Variants in MYO19 observed in about 807,000 individuals in gnomAD.
The protein encoded by MYO19 is unconventional myosin-XIX.
MYO19 carries 132 observed loss-of-function variants against 129.2 expected under a neutral mutation model. The ratio of observed to expected loss-of-function variants is 1.02; its 90% CI spans 0.89 to 1.18. The LOEUF is 1.18. Among genes scored for constraint, MYO19 ranks in the 50% most tolerant of loss-of-function variants. The probability of loss-of-function intolerance (pLI) is 0.00; values close to 1 mark genes in which losing one functional copy is unlikely to be tolerated. For missense variants in MYO19, 1,210 were observed against 1,216.7 expected, an observed-to-expected ratio of 0.99 and a Z score of 0.08; for synonymous variants, 531 against 477.2, an observed-to-expected ratio of 1.11 and a Z score of -1.47.
rs1279455262 is a variant in MYO19, at chr17:36,513,426, G to A, written c.894+3C>T. 3 of 1,613,916 alleles carry A rather than the reference G, an allele frequency of 1.9e-6. No individual in the cohort carries two copies. The highest frequency in any genetic ancestry group is 2.5e-6 in the Non-Finnish European group (3 of 1,179,906). On this transcript the variant is annotated splice_donor_region_variant and intron_variant, in intron 11 of 25. Coordinates refer to ENST00000614623, the MANE Select transcript of MYO19 (RefSeq NM_001163735.2). Reference sequence around the variant, plus strand: ...ACTTAAGTGGCGTGGCTTTTCTTCTGACCTTAAAGATGTTGTTCTGGGTAG... The same window carrying A: ...ACTTAAGTGGCGTGGCTTTTCTTCTAACCTTAAAGATGTTGTTCTGGGTAG...
At chr17:36,501,029 A>G in intron 22 of MYO19, 40 bp downstream of exon 22, 1 of 1,603,134 alleles carries the variant, frequency 6.2e-7, no homozygotes, top group Non-Finnish European at 8.5e-7. Context: ...GAGAGCACAC[A>G]GCTTGCCTCT....
chr17:36,509,133 A>C lies in MYO19; in HGVS notation c.1160T>G (p.Leu387Trp), dbSNP rs767059897. ...GATCACTGATACCAGCCAGTCAAAC[A>C]ACCTGTTGGGGGAAGAGAGTGGACT... Reference protein sequence around the residue: ...DCLAKLIYARLFDWLVSVINS... With the variant: ...DCLAKLIYARWFDWLVSVINS... Residue 387 changes from leucine to tryptophan, a missense_variant and splice_region_variant, in exon 14 of 26, where the codon TTG (leucine) becomes TGG (tryptophan). Leu to Trp is a moderately conservative substitution (Grantham distance 61). Coordinates refer to ENST00000614623, the MANE Select transcript of MYO19 (RefSeq NM_001163735.2). 6 of 1,613,624 alleles carry C rather than the reference A, an allele frequency of 3.7e-6. No individual in the cohort carries two copies. Among genetic ancestry groups the C allele is most frequent in the South Asian group, 3.3e-5 (3 of 91,016 alleles).
Position 36,509,050 on chromosome 17 carries a change from A to G in MYO19, c.1231+12T>C, listed in dbSNP as rs1375532311. 6.2e-7 allele frequency: 1 copy of G among 1,612,308 alleles called. No individual in the cohort carries two copies. The highest frequency in any genetic ancestry group is 8.5e-7 in the Non-Finnish European group (1 of 1,178,786). The stretch of plus-strand genomic sequence containing the variant: ...TTTCTGGAGTGCTCCCAGCACAGTG[A>G]GGCCTTGCTACCTATGAAAGTGGTC... On this transcript the variant is annotated intron_variant, in intron 14 of 25. Coordinates refer to ENST00000614623, the MANE Select transcript of MYO19 (RefSeq NM_001163735.2).
At chr17:36,527,270 C>G (rs1488747131) in intron 5 of MYO19, among the ~76,000 whole-genome samples, 1 of 151,994 alleles carries the variant, frequency 6.6e-6, no homozygotes, top group African/African-American at 2.4e-5. Context: ...GTTAATAAAA[C>G]CGCAAACAAG....
chr17:36,516,775 C>T (rs1440517389), intron 6 of MYO19, among the ~76,000 whole-genome samples: 1 of 152,234 alleles, frequency 6.6e-6, no homozygotes, highest in Non-Finnish European at 1.5e-5. Context: ...AATACACTGT[C>T]TTTACATATT....
chr17:36,503,448 C>T (rs1433141148), intron 20 of MYO19, among the ~76,000 whole-genome samples: 1 of 152,236 alleles, frequency 6.6e-6, no homozygotes, highest in Non-Finnish European at 1.5e-5. Context: ...CAACACAAAG[C>T]ATCTCTTGTG....
At chr17:36,498,117 C>T in intron 25 of MYO19, 149 bp downstream of exon 25, 1 of 754,568 alleles carries the variant, frequency 1.3e-6, no homozygotes, top group Non-Finnish European at 2.1e-6. Flanking sequence ...AAACCTGCAG[C>T]TGATTGGGAC....
chr17:36,511,039 G>C, intron 12 of MYO19, 122 bp from the exon 13 acceptor site: 1 of 1,176,324 alleles, frequency 8.5e-7, no homozygotes. Context: ...CCTAAGTTCT[G>C]ATCAGTGAAG....
chr17:36,511,531 G>A, intron 11 of MYO19, 76 bp from the exon 12 acceptor site: 1 of 1,323,186 alleles, frequency 7.6e-7, no homozygotes, highest in Non-Finnish European at 1.1e-6. Context: ...CCGTTCTGCT[G>A]AGTACAATCA....
Position 36,517,440 on chromosome 17 carries a change from A to G in MYO19, c.415-1450T>C, listed in dbSNP as rs1261363993. Among the ~76,000 whole-genome samples the G allele has an allele frequency of 2.0e-5, 3 of 152,052 alleles. No homozygotes were observed. In the East Asian group the frequency reaches 5.8e-4, roughly 29 times the overall value. On this transcript the variant is annotated intron_variant, in intron 6 of 25. Transcript: ENST00000614623. ...ATGCCCAGCTAATTTTTGTATTTTT[A>G]GTAGAGACGGGCTTTCACCATGTTG...
At chr17:36,509,786 G>A (rs2072189309) in intron 13 of MYO19, 1 of 152,684 alleles carries the variant, frequency 6.5e-6, no homozygotes, top group Non-Finnish European at 1.5e-5. Context: ...TTGCAACAGG[G>A]GCTGTGCAAA....
upstream of MYO19, chr17:36,538,067 A>C (rs754169928): frequency 6.2e-7 from 1 of 1,614,210 alleles, no homozygotes; most frequent in Non-Finnish European, 8.5e-7. Flanking sequence ...GTGTGCAAAC[A>C]GGGTTATATA....
chr17:36,513,309 A>G, intron 11 of MYO19, 120 bp downstream of exon 11: 1 of 1,577,888 alleles, frequency 6.3e-7, no homozygotes, highest in South Asian at 1.2e-5. Flanking sequence ...GAGGTAGCAC[A>G]GAAGGGCCCA....
Position 36,503,196 on chromosome 17 carries a change from A to G in MYO19, c.1981T>C (p.Ser661Pro). ...ISAAGFPIRV[S>P]HRNFVERYKL... is the part of the protein sequence containing the mutation. ...TATCGTTCTACAAAGTTTCGGTGAG[A>G]GACCCTGGAGGCCAAAGCAGGCAGA... The change falls in exon 21 of 26, where the codon TCT becomes CCT. Residue 661 changes from serine to proline, a missense_variant. By Grantham distance (74) the Ser-to-Pro change is moderately conservative. Coordinates refer to ENST00000614623, the MANE Select transcript of MYO19 (RefSeq NM_001163735.2). 6.2e-7 allele frequency: 1 copy of G among 1,613,838 alleles called. No homozygotes were observed. The highest frequency in any genetic ancestry group is 1.1e-5 in the South Asian group (1 of 91,080).
In MYO19 at chr17:36,507,863, G is replaced by A. The variant is rs1016364778; in HGVS notation, c.1293C>T (p.Ile431=). 1.9e-6 allele frequency: 3 copies of A among 1,613,596 alleles called. No individual in the cohort carries two copies. The highest frequency in any genetic ancestry group is 2.7e-5 in the African/African-American group (2 of 74,910). The change falls in exon 15 of 26, where the codon ATC becomes ATT. Residue 431 remains isoleucine (I), a synonymous_variant. Transcript: ENST00000614623. ...GCTGCAGCTTCTCATTGGCGTAGTT[G>A]ATGCACAACTGTTCCAGACTGTTGT... ...FPDNSLEQLC[I]NYANEKLQQH...
chr17:36,496,405 C>A lies in MYO19; in HGVS notation c.2759G>T (p.Gly920Val). ...GVTSIRALPQGSIKFHCRKSP... is the reference protein window; with the variant it reads ...GVTSIRALPQVSIKFHCRKSP... ...CTTTCTGCAGTGAAACTTTATCGAT[C>A]CCTAGAGGGGAGAGAGAGATGCAGC... Residue 920 changes from glycine to valine, a missense_variant and splice_region_variant, in exon 26 of 26, where the codon GGA (glycine) becomes GTA (valine). Coordinates refer to ENST00000614623, the MANE Select transcript of MYO19 (RefSeq NM_001163735.2). 6.2e-7 allele frequency: 1 copy of A among 1,613,858 alleles called. No homozygotes were observed.
chr17:36,513,178 C>T lies in MYO19; in HGVS notation c.894+251G>A. The T allele has an allele frequency of 2.8e-6, 4 of 1,416,822 alleles. No homozygotes were observed. In the South Asian group the frequency reaches 6.4e-5, roughly 23 times the overall value. 87.8% of individuals were successfully genotyped at this position (1,416,822 alleles called of 1,614,324 possible). A position where few individuals can be genotyped will look rare whatever the true frequency, so the allele number is the denominator to read the frequency against. ...ATCATGCGGTACCTTGCTCTCTGCC[C>T]CCATGGATCACTTACTGCATTCTGT... On this transcript the variant is annotated intron_variant, in intron 11 of 25. Coordinates refer to ENST00000614623, the MANE Select transcript of MYO19 (RefSeq NM_001163735.2).
upstream of MYO19, chr17:36,538,714 T>C: frequency 9.8e-7 from 1 of 1,022,130 alleles, no homozygotes; most frequent in Non-Finnish European, 1.4e-6. Context: ...AACCATATTT[T>C]ATTATAAAAT....
At position 36,513,671 on chromosome 17, in the gene MYO19, C is replaced by G; in HGVS notation, c.775G>C (p.Ala259Pro). The change falls in exon 10 of 26, where the codon GCT becomes CCT. Residue 259 changes from alanine (A) to proline (P), a missense_variant. Ala to Pro is a conservative substitution (Grantham distance 27). Transcript: ENST00000614623. ...GGGTTGGGCAGCCAGGAGAAGGCAGCTCCCTCAGGAAGGTGCCACTGGAGC... is the reference window on the plus strand; with the variant it reads ...GGGTTGGGCAGCCAGGAGAAGGCAGGTCCCTCAGGAAGGTGCCACTGGAGC... ...ERLQWHLPEG[A>P]AFSWLPNPER... is the part of the protein sequence containing the mutation. The G allele has an allele frequency of 6.2e-7, 1 of 1,613,962 alleles. No individual in the cohort carries two copies.
Sources: gnomAD v4.1 joint callset for allele counts (sites outside exome capture counted in the v4.1 genomes callset) on GRCh38, gnomAD v4.1.1 for gene constraint, MANE v1.5 for transcripts, NCBI Gene and HGNC (gene_info 2026-07-23, HGNC 2026-07-21) for gene names.